Variants in CELSR1 observed in about 807,000 individuals in gnomAD.
CELSR1 encodes cadherin EGF LAG seven-pass G-type receptor 1.
In CELSR1, 110 loss-of-function variants were observed where a neutral mutation model predicts 249.1. The observed-to-expected ratio is 0.44, with a 90% CI of 0.38 to 0.52. The LOEUF is 0.52. Ranked by LOEUF, CELSR1 falls within the 20% of genes least tolerant of loss-of-function variation. CELSR1 has a pLI of 0.00. For synonymous variants in CELSR1, 2,113 were observed against 1,900.0 expected (o/e 1.11, Z -2.92); for missense variants, 4,109 against 4,296.4 (o/e 0.96, Z 1.22).
At position 46,518,302 on chromosome 22, in the gene CELSR1, G is replaced by A. The variant is rs1476030757; in HGVS notation, c.3544+15325C>T. Among the ~76,000 whole-genome samples the A allele has an allele frequency of 6.6e-6, 1 of 152,368 alleles. No homozygotes were observed. The highest frequency in any genetic ancestry group is 2.4e-5 in the African/African-American group (1 of 41,596). On this transcript the variant is annotated intron_variant, in intron 1 of 34. Coordinates refer to ENST00000674500, the MANE Select transcript of CELSR1 (RefSeq NM_001378328.1). This position sits in a 1 kb window ranked among gnomAD's most constrained non-coding sequence, Gnocchi z 5.2. Reference sequence around the variant, plus strand: ...CAGCAGACCTTACTGAGGAGTCAGAGCCTGTGGGGGCACCATCAGCAGGGG... The same window carrying A: ...CAGCAGACCTTACTGAGGAGTCAGAACCTGTGGGGGCACCATCAGCAGGGG...
rs12158850 is a variant in CELSR1 at position 46,446,123 on chromosome 22, C to T, written c.4184-6712G>A. ...TCCCAGGGCCCAGCCCCCAGCCACA[C>T]ACCCAGCCCCCTCCACACCATACTC... is the stretch of plus-strand genomic sequence containing the variant. On this transcript the variant is annotated intron_variant, in intron 2 of 34. Transcript: ENST00000674500. The surrounding 1 kb of genome is among the most constrained non-coding windows in gnomAD (Gnocchi z 5.5). 0.041 allele frequency among the ~76,000 whole-genome samples: 6,293 copies of T among 152,260 alleles called. 445 individuals carry two copies. Among genetic ancestry groups the T allele is most frequent in the African/African-American group, 0.14 (5,850 of 41,522 alleles).
intron 5 of CELSR1, among the ~76,000 whole-genome samples, chr22:46,418,273 G>A (rs577106156): frequency 6.2e-4 from 94 of 152,266 alleles, no homozygotes; most frequent in Non-Finnish European, 1.2e-3. Flanking sequence ...TTGCAGTCAG[G>A]AGTTTGCGAC....
intron 1 of CELSR1, among the ~76,000 whole-genome samples, chr22:46,475,659 T>TG (rs11386552): frequency 0.42 from 62,303 of 149,738 alleles, 13,511 homozygotes; most frequent in South Asian, 0.54. Flanking sequence ...AAGAAACGAA[T>TG]GGGGGGGGAA....
rs141291435 is a variant in CELSR1, at chr22:46,511,747, G to C, written c.3544+21880C>G. Among the ~76,000 whole-genome samples, 525 of 152,302 alleles carry C rather than the reference G, an allele frequency of 3.4e-3. 2 individuals are homozygous for C. The highest frequency in any genetic ancestry group is 0.012 in the African/African-American group (506 of 41,558). ...AACAGTGGGGAAGGCAGGGAGAGTA[G>C]GGGGCAGAAGAAGAGTAAGAGGGTG... On this transcript the variant is annotated intron_variant, in intron 1 of 34. Transcript: ENST00000674500.
rs2079347333 is a variant in CELSR1, at chr22:46,412,338, T to G, written c.4612-579A>C. ...GTGATGGTGGCCCCAGGAAATGAAG[T>G]TGCAGCCAACACCCAAGTCCTGGGG... On this transcript the variant is annotated intron_variant, in intron 5 of 34. Transcript: ENST00000674500. This position sits in a 1 kb window ranked among gnomAD's most constrained non-coding sequence, Gnocchi z 4.5. Among the ~76,000 whole-genome samples the G allele has an allele frequency of 6.6e-6, 1 of 152,088 alleles. No individual in the cohort carries two copies. Among genetic ancestry groups the G allele is most frequent in the South Asian group, 2.1e-4 (1 of 4,826 alleles).
Position 46,399,686 on chromosome 22 carries a change from A to C in CELSR1, c.5412+31T>G, listed in dbSNP as rs1348763070. 5.0e-6 allele frequency: 8 copies of C among 1,607,274 alleles called. No individual in the cohort carries two copies. Among genetic ancestry groups the C allele is most frequent in the Non-Finnish European group, 6.0e-6 (7 of 1,174,010 alleles). Reference sequence around the variant, plus strand: ...TTTCCCTGGGCCGGAGGAAGGGTCTATCCCCAGAGGAGGTGCAGGTGCCAG... The same window carrying C: ...TTTCCCTGGGCCGGAGGAAGGGTCTCTCCCCAGAGGAGGTGCAGGTGCCAG... On this transcript the variant is annotated intron_variant, in intron 10 of 34. Coordinates refer to ENST00000674500, the MANE Select transcript of CELSR1 (RefSeq NM_001378328.1). The surrounding 1 kb of genome is among the most constrained non-coding windows in gnomAD (Gnocchi z 5.0).
In CELSR1 at chr22:46,422,460, G is replaced by A. The variant is rs540549613; in HGVS notation, c.4612-10701C>T. Among the ~76,000 whole-genome samples the A allele has an allele frequency of 3.8e-4, 57 of 151,224 alleles. No homozygotes were observed. In the South Asian group the frequency reaches 0.011, roughly 30 times the overall value. On this transcript the variant is annotated intron_variant, in intron 5 of 34. Coordinates refer to ENST00000674500, the MANE Select transcript of CELSR1 (RefSeq NM_001378328.1). ...TTAAAAGAAAAAACCAGGGCCGGGC[G>A]CAGTGGCTCACACCTGTAATCGCAG...
chr22:46,459,228 A>G (rs545176438), intron 2 of CELSR1, among the ~76,000 whole-genome samples: 120 of 152,088 alleles, frequency 7.9e-4, no homozygotes, highest in African/African-American at 2.9e-3. Flanking sequence ...GTAATTGTTT[A>G]ATTAGGGAGA....
At position 46,395,296 on chromosome 22, in the gene CELSR1, G is replaced by A. The variant is rs2079135955; in HGVS notation, c.5844-1034C>T. On this transcript the variant is annotated intron_variant, in intron 13 of 34. Coordinates refer to ENST00000674500, the MANE Select transcript of CELSR1 (RefSeq NM_001378328.1). The surrounding 1 kb of genome is among the most constrained non-coding windows in gnomAD (Gnocchi z 5.5). The stretch of plus-strand genomic sequence containing the variant: ...CTCCAAGCTGTGCTCCATGCGGCAG[G>A]TGGGGGTTCCCTAAGACCAGGTCCT... Among the ~76,000 whole-genome samples the A allele has an allele frequency of 1.3e-5, 2 of 152,142 alleles. No individual in the cohort carries two copies. The highest frequency in any genetic ancestry group is 2.1e-4 in the South Asian group (1 of 4,824).
At position 46,428,063 on chromosome 22, in the gene CELSR1, A is replaced by C. The variant is rs1162046742; in HGVS notation, c.4611+5330T>G. Among the ~76,000 whole-genome samples, 1 of 152,174 alleles carries C rather than the reference A, an allele frequency of 6.6e-6. No individual in the cohort carries two copies. Among genetic ancestry groups the C allele is most frequent in the Non-Finnish European group, 1.5e-5 (1 of 68,032 alleles). ...AGCAACAGGTGAGCAATCCCTAATG[A>C]CAGCAGGACCTAGCGGTCATCTCAA... On this transcript the variant is annotated intron_variant, in intron 5 of 34. Coordinates refer to ENST00000674500, the MANE Select transcript of CELSR1 (RefSeq NM_001378328.1). The surrounding 1 kb of genome is among the most constrained non-coding windows in gnomAD (Gnocchi z 5.7).
chr22:46,444,356 C>G (rs78377714), intron 2 of CELSR1, among the ~76,000 whole-genome samples: 1 of 152,198 alleles, frequency 6.6e-6, no homozygotes, highest in South Asian at 2.1e-4. Context: ...TAGTGGCCCC[C>G]GATATCCTCA....
Position 46,362,913 on chromosome 22 carries a change from G to T in CELSR1, c.*310C>A. On this transcript the variant is annotated 3_prime_UTR_variant, in exon 35 of 35. Coordinates refer to ENST00000674500, the MANE Select transcript of CELSR1 (RefSeq NM_001378328.1). Reference sequence around the variant, plus strand: ...AGTCTGGGGTCCCCTCTCAGTTCTGGCTTTGACTGCAGTCTTAGGACTCAG... The same window carrying T: ...AGTCTGGGGTCCCCTCTCAGTTCTGTCTTTGACTGCAGTCTTAGGACTCAG... 1 of 506,242 alleles carries T rather than the reference G, an allele frequency of 2.0e-6. No homozygotes were observed. The highest frequency in any genetic ancestry group is 3.5e-6 in the Non-Finnish European group (1 of 283,360). The allele number at this position is 506,242 out of a possible 1,614,324, so 31.4% of individuals were successfully genotyped here.
intron 1 of CELSR1, among the ~76,000 whole-genome samples, chr22:46,524,570 GTC>G (rs767355171): frequency 0.068 from 4,290 of 63,526 alleles, 101 homozygotes; most frequent in East Asian, 0.28. Flanking sequence ...GTGTGTGTGT[GTC>G]TGTCTGTCTG....
rs567365441 is a variant in CELSR1 at position 46,381,996 on chromosome 22, G to A, written c.6938C>T (p.Pro2313Leu). Residue 2313 changes from proline to leucine, a missense_variant, in exon 21 of 35, where the codon CCG (proline) becomes CTG (leucine). Around this residue, in one of 7 missense-constraint regions of CELSR1, gnomAD observed 1,805 missense variants for 1,831.6 expected, o/e 0.99. Coordinates refer to ENST00000674500, the MANE Select transcript of CELSR1 (RefSeq NM_001378328.1). The surrounding 1 kb of genome is among the most constrained non-coding windows in gnomAD (Gnocchi z 6.0). ...GRRTTPQTTRPGPGTEREAPI... is the reference protein window; with the variant it reads ...GRRTTPQTTRLGPGTEREAPI... ...GGCCTCCCTCTCGGTGCCAGGCCCC[G>A]GGCGCGTGGTCTGCGGGGTGGTCCT... is the stretch of plus-strand genomic sequence containing the variant. The A allele has an allele frequency of 3.3e-5, 51 of 1,564,302 alleles. No individual in the cohort carries two copies. The highest frequency in any genetic ancestry group is 1.8e-4 in the South Asian group (15 of 85,166).
intron 2 of CELSR1, among the ~76,000 whole-genome samples, chr22:46,449,696 A>C (rs1358177720): frequency 6.6e-6 from 1 of 152,184 alleles, no homozygotes; most frequent in Non-Finnish European, 1.5e-5. Flanking sequence ...AAATACATGA[A>C]GAGTTATAGC....
At chr22:46,438,520 G>A (rs1485333768) in intron 3 of CELSR1, among the ~76,000 whole-genome samples, 2 of 152,208 alleles carry the variant, frequency 1.3e-5, no homozygotes, top group Non-Finnish European at 2.9e-5. Flanking sequence ...TTTAGGGTCA[G>A]CTCTGATGGT....
At chr22:46,367,164 G>A in intron 28 of CELSR1, 46 bp from the exon 29 acceptor site, 1 of 1,594,316 alleles carries the variant, frequency 6.3e-7, no homozygotes, top group Non-Finnish European at 8.5e-7. Context: ...GCCTCCCTAG[G>A]CACCTGCCCT....
chr22:46,432,716 T>C lies in CELSR1; in HGVS notation c.4611+677A>G, dbSNP rs1307959255. ...GCTCGCCAGTTACATCCAGGTACAG[T>C]GGACGATTTTGGCTACAGAGCCGTG... On this transcript the variant is annotated intron_variant, in intron 5 of 34. Coordinates refer to ENST00000674500, the MANE Select transcript of CELSR1 (RefSeq NM_001378328.1). Among the ~76,000 whole-genome samples the C allele has an allele frequency of 7.9e-5, 12 of 152,300 alleles. No homozygotes were observed. The East Asian group carries it at 2.3e-3, about 29-fold the overall frequency.
In CELSR1 at chr22:46,402,865, T is replaced by G. The variant is rs1181325840; in HGVS notation, c.5227-2963A>C. Among the ~76,000 whole-genome samples, 1 of 152,174 alleles carries G rather than the reference T, an allele frequency of 6.6e-6. No individual in the cohort carries two copies. The highest frequency in any genetic ancestry group is 6.5e-5 in the Admixed American group (1 of 15,272). ...TTAAAGATAACTTCAAAAAATAGCC[T>G]AGATTTTAGAAAAACAACTATTAGC... On this transcript the variant is annotated intron_variant, in intron 9 of 34. Coordinates refer to ENST00000674500, the MANE Select transcript of CELSR1 (RefSeq NM_001378328.1). The surrounding 1 kb of genome is among the most constrained non-coding windows in gnomAD (Gnocchi z 5.0).
Sources: allele counts gnomAD v4.1 joint callset (sites outside exome capture counted in the v4.1 genomes callset), GRCh38; gene constraint gnomAD v4.1.1; regional missense constraint gnomAD v4.1.1; non-coding constraint Gnocchi (gnomAD v3.1); transcripts MANE v1.5; gene names NCBI Gene and HGNC (gene_info 2026-07-23, HGNC 2026-07-21).